RSPO2: variants seen among roughly 807,000 people sequenced by gnomAD.
RSPO2 encodes the protein R-spondin 2.
RSPO2 carries 14 observed loss-of-function variants against 30.9 expected under a neutral mutation model. The ratio of observed to expected loss-of-function variants is 0.45; its 90% confidence interval spans 0.30 to 0.71. The LOEUF (loss-of-function observed/expected upper bound fraction) is 0.71, where lower values mean the gene tolerates loss of function less well. Ranked by LOEUF, RSPO2 falls within the 30% of genes least tolerant of loss-of-function variation. The pLI is 0.08. For missense variants in RSPO2, 264 were observed against 301.9 expected (o/e 0.87, Z 0.93); for synonymous variants, 107 against 96.4 (o/e 1.11, Z -0.64).
intron 5 of RSPO2, among the ~76,000 whole-genome samples, chr8:107,933,861 C>T (rs1296681720): frequency 1.3e-5 from 2 of 152,100 alleles, no homozygotes. Context: ...CTGAAAAATT[C>T]AAAGTTCTTT....
chr8:108,032,999 A>G (rs910623702), intron 2 of RSPO2, among the ~76,000 whole-genome samples: 10 of 142,342 alleles, frequency 7.0e-5, no homozygotes, highest in Non-Finnish European at 4.5e-5. Flanking sequence ...GCAGTGAGCC[A>G]AGATCGCACC....
chr8:107,900,957 G>T lies in RSPO2; in HGVS notation c.*118C>A. 9.5e-7 allele frequency: 1 copy of T among 1,051,464 alleles called. No homozygotes were observed. Among genetic ancestry groups the T allele is most frequent in the Non-Finnish European group, 1.4e-6 (1 of 727,120 alleles). The allele number at this position is 1,051,464 out of a possible 1,614,324, so 65.1% of individuals were successfully genotyped here. A position where few individuals can be genotyped will look rare whatever the true frequency, so the allele number is the denominator to read the frequency against. On this transcript the variant is annotated 3_prime_UTR_variant, in exon 6 of 6. Transcript: ENST00000276659. ...TGGTGCTTCCTTTCACCATGTTACTGGGAACAGATACTGGGCAGAGCAGCA... is the reference window on the plus strand; with the variant it reads ...TGGTGCTTCCTTTCACCATGTTACTTGGAACAGATACTGGGCAGAGCAGCA...
At chr8:108,051,425 T>G (rs1376705807) in intron 2 of RSPO2, among the ~76,000 whole-genome samples, 2 of 152,204 alleles carry the variant, frequency 1.3e-5, no homozygotes, top group Non-Finnish European at 2.9e-5. Flanking sequence ...TCTTTGGAAC[T>G]GGCTGCTTTC....
intron 3 of RSPO2, among the ~76,000 whole-genome samples, chr8:107,981,896 T>C (rs1034353068): frequency 4.6e-5 from 7 of 150,788 alleles, no homozygotes; most frequent in African/African-American, 1.7e-4. Context: ...TAGCTGGCTA[T>C]AGTGGCACAC....
intron 3 of RSPO2, among the ~76,000 whole-genome samples, chr8:107,961,119 G>T (rs1248111289): frequency 2.0e-5 from 3 of 152,086 alleles, no homozygotes; most frequent in Non-Finnish European, 4.4e-5. Flanking sequence ...AAAAGACAAA[G>T]AAAACACTCC....
At chr8:107,969,922 C>T (rs182547155) in intron 3 of RSPO2, among the ~76,000 whole-genome samples, 1 of 152,232 alleles carries the variant, frequency 6.6e-6, no homozygotes, top group African/African-American at 2.4e-5. Context: ...AGACCTGCAT[C>T]TTAGTTGGAT....
At chr8:107,999,935 A>C (rs1586615023) in intron 2 of RSPO2, among the ~76,000 whole-genome samples, 1 of 152,312 alleles carries the variant, frequency 6.6e-6, no homozygotes, top group Admixed American at 6.5e-5. Flanking sequence ...CACAACCTGG[A>C]TTAACTATGG....
chr8:107,975,997 G>A (rs537992937), intron 3 of RSPO2, among the ~76,000 whole-genome samples: 3 of 152,336 alleles, frequency 2.0e-5, no homozygotes, highest in South Asian at 4.1e-4. Context: ...CTCCTGCATA[G>A]TGATGTAAAG....
At position 107,927,023 on chromosome 8, in the gene RSPO2, C is replaced by T. The variant is rs559572064; in HGVS notation, c.617-25833G>A. Reference sequence around the variant, plus strand: ...TTTCACGATATTGATTCTTCCTATCCATGAGCATGGAATGTTCTTCCATTT... The same window carrying T: ...TTTCACGATATTGATTCTTCCTATCTATGAGCATGGAATGTTCTTCCATTT... On this transcript the variant is annotated intron_variant, in intron 5 of 5. Transcript: ENST00000276659. 1.9e-3 allele frequency among the ~76,000 whole-genome samples: 282 copies of T among 152,254 alleles called. 1 individual carries two copies. The highest frequency in any genetic ancestry group is 6.1e-3 in the African/African-American group (255 of 41,552).
intron 5 of RSPO2, among the ~76,000 whole-genome samples, chr8:107,917,416 T>C (rs920639519): frequency 2.6e-5 from 4 of 151,800 alleles, no homozygotes; most frequent in African/African-American, 9.7e-5. Context: ...ACCCAGGAGG[T>C]GGAGGCTGCA....
intron 2 of RSPO2, among the ~76,000 whole-genome samples, chr8:108,076,653 G>C (rs1813022238): frequency 6.6e-6 from 1 of 152,076 alleles, no homozygotes; most frequent in Non-Finnish European, 1.5e-5. Context: ...CATTTGGGAG[G>C]GGGCACAGAA....
chr8:107,964,883 A>T (rs945715209), intron 3 of RSPO2, among the ~76,000 whole-genome samples: 1 of 152,226 alleles, frequency 6.6e-6, no homozygotes, highest in Non-Finnish European at 1.5e-5. Flanking sequence ...GCAGTACAGA[A>T]GTTTTACAGG....
rs539909403 is a variant in RSPO2 at position 107,946,872 on chromosome 8, G to C, written c.616+11208C>G. On this transcript the variant is annotated intron_variant, in intron 5 of 5. Transcript: ENST00000276659. Reference sequence around the variant, plus strand: ...GATTCTGTTTTTTCCAACATACAAAGACATCCACCATCACTGAAGGTAAAA... The same window carrying C: ...GATTCTGTTTTTTCCAACATACAAACACATCCACCATCACTGAAGGTAAAA... 3.9e-5 allele frequency among the ~76,000 whole-genome samples: 6 copies of C among 152,222 alleles called. No homozygotes were observed. In the East Asian group the frequency reaches 1.2e-3, roughly 29 times the overall value.
At chr8:107,912,897 TGTGCCAA>T (rs1268278484) in intron 5 of RSPO2, among the ~76,000 whole-genome samples, 1 of 152,204 alleles carries the variant, frequency 6.6e-6, no homozygotes, top group East Asian at 1.9e-4. Context: ...ATGTAAGTAG[TGTGCCAA>T]GTACCAAGTG....
chr8:107,943,501 T>G (rs1456679943), intron 5 of RSPO2, among the ~76,000 whole-genome samples: 1 of 152,250 alleles, frequency 6.6e-6, no homozygotes, highest in Non-Finnish European at 1.5e-5. Flanking sequence ...GTTATAGTTT[T>G]GCAACTAGAC....
chr8:108,026,990 G>A (rs1811243104), intron 2 of RSPO2, among the ~76,000 whole-genome samples: 1 of 152,122 alleles, frequency 6.6e-6, no homozygotes, highest in Non-Finnish European at 1.5e-5. Context: ...TCCAAGTATA[G>A]GCGGGAAAAG....
At chr8:107,920,382 T>C (rs573553944) in intron 5 of RSPO2, among the ~76,000 whole-genome samples, 2 of 152,154 alleles carry the variant, frequency 1.3e-5, no homozygotes, top group East Asian at 1.9e-4. Context: ...CGCTTTGTCA[T>C]TGATCCTATC....
At chr8:107,986,291 C>G (rs1215545066) in intron 3 of RSPO2, among the ~76,000 whole-genome samples, 1 of 152,202 alleles carries the variant, frequency 6.6e-6, no homozygotes, top group Non-Finnish European at 1.5e-5. Flanking sequence ...TCACTTTGCT[C>G]TAATGGGGTC....
intron 2 of RSPO2, among the ~76,000 whole-genome samples, chr8:108,055,972 T>A (rs975442650): frequency 6.6e-6 from 1 of 152,164 alleles, no homozygotes; most frequent in Non-Finnish European, 1.5e-5. Flanking sequence ...CATCACTTAT[T>A]AGCTCTGAAC....
Sources: allele counts gnomAD v4.1 joint callset (sites outside exome capture counted in the v4.1 genomes callset), GRCh38; gene constraint gnomAD v4.1.1; transcripts MANE v1.5; gene names NCBI Gene and HGNC (gene_info 2026-07-23, HGNC 2026-07-21).